ARHGAP25: variants seen among roughly 807,000 people sequenced by gnomAD.
The protein encoded by ARHGAP25 is rho GTPase-activating protein 25.
ARHGAP25 carries 34 observed loss-of-function variants against 71.0 expected under a neutral mutation model. The observed-to-expected ratio is 0.48, with a 90% CI of 0.36 to 0.64. ARHGAP25 has a LOEUF of 0.64. ARHGAP25 is among the 30% of genes least tolerant of loss of function. The probability of loss-of-function intolerance (pLI) is 0.00; values close to 1 mark genes in which losing one functional copy is unlikely to be tolerated. For missense variants in ARHGAP25, 706 were observed against 805.1 expected, an observed-to-expected ratio of 0.88 and a Z score of 1.49; for synonymous variants, 282 against 296.5, an observed-to-expected ratio of 0.95 and a Z score of 0.50.
At chr2:68,795,655 A>G (rs923217031) in intron 4 of ARHGAP25, among the ~76,000 whole-genome samples, 2 of 152,076 alleles carry the variant, frequency 1.3e-5, no homozygotes, top group Non-Finnish European at 2.9e-5. Context: ...GTTTTTAAAA[A>G]TTTTTTGGGA....
chr2:68,722,398 T>G (rs1308853210), intron 2 of ARHGAP25, among the ~76,000 whole-genome samples: 1 of 151,582 alleles, frequency 6.6e-6, no homozygotes, highest in Non-Finnish European at 1.5e-5. Context: ...GCCAACATGT[T>G]AAAACCCTGA....
At chr2:68,735,367 G>A in intron 1 of ARHGAP25, 107 bp downstream of exon 1, 3 of 1,207,256 alleles carry the variant, frequency 2.5e-6, no homozygotes. Context: ...GGATCTCGCA[G>A]CAAATCTGAG....
intron 1 of ARHGAP25, among the ~76,000 whole-genome samples, chr2:68,758,681 T>C (rs1261517804): frequency 6.6e-6 from 1 of 151,858 alleles, no homozygotes; most frequent in East Asian, 1.9e-4. Context: ...AATACTCCAC[T>C]CCAATAATGA....
intron 8 of ARHGAP25, among the ~76,000 whole-genome samples, chr2:68,818,883 A>G (rs1681426360): frequency 6.6e-6 from 1 of 152,228 alleles, no homozygotes; most frequent in South Asian, 2.1e-4. Context: ...CCAGTGGACT[A>G]TTGGCTCCCT....
At chr2:68,787,023 C>G (rs1469126471) in intron 3 of ARHGAP25, among the ~76,000 whole-genome samples, 2 of 152,370 alleles carry the variant, frequency 1.3e-5, no homozygotes, top group Middle Eastern at 3.4e-3. Context: ...GTTCAAGTCT[C>G]AGATCTGATA....
At chr2:68,756,262 C>A (rs925388024) in intron 1 of ARHGAP25, among the ~76,000 whole-genome samples, 1 of 152,172 alleles carries the variant, frequency 6.6e-6, no homozygotes, top group African/African-American at 2.4e-5. Flanking sequence ...CGTGCAGGGG[C>A]CGAATGGGAA....
chr2:68,724,624 C>T (rs1359447343), intron 2 of ARHGAP25, among the ~76,000 whole-genome samples: 1 of 152,184 alleles, frequency 6.6e-6, no homozygotes, highest in Non-Finnish European at 1.5e-5. Context: ...GGACCTCTGC[C>T]CTAAACACCA....
At position 68,802,289 on chromosome 2, in the gene ARHGAP25, T is replaced by G. The variant is rs539348919; in HGVS notation, c.467-4984T>G. ...CAGGTGTGGTGGCACGTGCCTGTAG[T>G]CCCAGCTACTCGGGAGGCTTAGGCA... On this transcript the variant is annotated intron_variant, in intron 4 of 10. Transcript: ENST00000409202. Among the ~76,000 whole-genome samples, 449 of 151,092 alleles carry G rather than the reference T, an allele frequency of 3.0e-3. 4 individuals are homozygous for G. Among genetic ancestry groups the G allele is most frequent in the Middle Eastern group, 0.014 (4 of 286 alleles).
intron 10 of ARHGAP25, among the ~76,000 whole-genome samples, 162 bp downstream of exon 10, chr2:68,823,034 A>T (rs934287644): frequency 2.0e-5 from 3 of 152,242 alleles, no homozygotes; most frequent in African/African-American, 7.2e-5. Context: ...GAACAATGAG[A>T]TAGCTAAATT....
Position 68,787,902 on chromosome 2 carries a change from G to A in ARHGAP25, c.412G>A (p.Glu138Lys). Residue 138 changes from glutamate to lysine, a missense_variant, in exon 4 of 11, where the codon GAG (glutamate) becomes AAG (lysine). By Grantham distance (56) the Glu-to-Lys change is moderately conservative. Transcript: ENST00000409202. ...SYVLMASSQA[E>K]MEEWVKFLRR... ...TGTCCTCATGGCCAGCTCTCAGGCG[G>A]AGATGGAGGAGTGGGTTAAATTCCT... is the stretch of plus-strand genomic sequence containing the variant. 1 of 1,614,234 alleles carries A rather than the reference G, an allele frequency of 6.2e-7. No individual in the cohort carries two copies. Among genetic ancestry groups the A allele is most frequent in the Non-Finnish European group, 8.5e-7 (1 of 1,180,042 alleles).
intron 2 of ARHGAP25, among the ~76,000 whole-genome samples, chr2:68,720,948 G>T (rs1674749131): frequency 6.6e-6 from 1 of 152,178 alleles, no homozygotes; most frequent in Non-Finnish European, 1.5e-5. Flanking sequence ...TGTACTCACA[G>T]ATGTGGCTGA....
At chr2:68,775,532 C>T (rs1677824045) in intron 2 of ARHGAP25, 112 bp downstream of exon 2, 3 of 1,510,768 alleles carry the variant, frequency 2.0e-6, no homozygotes, top group East Asian at 2.3e-5. Context: ...CAGACACACC[C>T]ATTGGAAAGG....
chr2:68,823,759 G>A (rs575505845), intron 10 of ARHGAP25, among the ~76,000 whole-genome samples: 4 of 152,300 alleles, frequency 2.6e-5, no homozygotes, highest in South Asian at 4.1e-4. Flanking sequence ...ATTGAGCACC[G>A]GCTGCAGGGG....
intron 5 of ARHGAP25, among the ~76,000 whole-genome samples, chr2:68,810,737 T>C (rs201952869): frequency 0.54 from 75,192 of 139,836 alleles, 20,668 homozygotes; most frequent in East Asian, 0.86. Context: ...TTCTCTTTTT[T>C]TTTTTTTTTT....
Position 68,826,324 on chromosome 2 carries a change from T to G in ARHGAP25, c.*130T>G. 4 of 884,578 alleles carry G rather than the reference T, an allele frequency of 4.5e-6. No homozygotes were observed. Among genetic ancestry groups the G allele is most frequent in the Non-Finnish European group, 7.4e-6 (4 of 543,860 alleles). 54.8% of individuals were successfully genotyped at this position (884,578 alleles called of 1,614,324 possible). A position where few individuals can be genotyped will look rare whatever the true frequency, so the allele number is the denominator to read the frequency against. On this transcript the variant is annotated 3_prime_UTR_variant, in exon 11 of 11. Transcript: ENST00000409202. ...AGGACATTTGAGGGAAACATCAAAT[T>G]TCCCCATAAATAAATGAATGGAGTT...
rs930450033 is a variant in ARHGAP25 at position 68,818,981 on chromosome 2, G to A, written c.1004-142G>A. 231 of 639,326 alleles carry A rather than the reference G, an allele frequency of 3.6e-4. 2 individuals are homozygous for A. Among genetic ancestry groups the A allele is most frequent in the Non-Finnish European group, 7.1e-5 (27 of 379,318 alleles). The allele number at this position is 639,326 out of a possible 1,614,324, so 39.6% of individuals were successfully genotyped here. A position where few individuals can be genotyped will look rare whatever the true frequency, so the allele number is the denominator to read the frequency against. On this transcript the variant is annotated intron_variant, in intron 8 of 10. Transcript: ENST00000409202. ...TCTCCAACTCCAAGCAATTAAAAAG[G>A]GTCTTTTGAGAAGCAAAATGAGGCC...
chr2:68,732,653 T>A (rs966117116), upstream of ARHGAP25, among the ~76,000 whole-genome samples: 1 of 152,112 alleles, frequency 6.6e-6, no homozygotes, highest in Non-Finnish European at 1.5e-5. Context: ...CGGCCCTTCT[T>A]CCACCCCTCC....
At chr2:68,774,074 A>C (rs6747922) in intron 1 of ARHGAP25, among the ~76,000 whole-genome samples, 1 of 151,980 alleles carries the variant, frequency 6.6e-6, no homozygotes, top group Non-Finnish European at 1.5e-5. Context: ...TAGCTGTGTC[A>C]TGAGTGGTCC....
intron 4 of ARHGAP25, among the ~76,000 whole-genome samples, chr2:68,797,499 G>C (rs991619370): frequency 6.6e-6 from 1 of 152,158 alleles, no homozygotes; most frequent in African/African-American, 2.4e-5. Context: ...TTAAGGCCAA[G>C]CCTCCACAAC....
Sources: gnomAD v4.1 joint callset for allele counts (sites outside exome capture counted in the v4.1 genomes callset) on GRCh38, gnomAD v4.1.1 for gene constraint, MANE v1.5 for transcripts, NCBI Gene and HGNC (gene_info 2026-07-23, HGNC 2026-07-21) for gene names.